The following MGAT5B variants were observed in gnomAD, a reference collection of about 807,000 sequenced individuals.
MGAT5B encodes N-acetylglucosaminyl-transferase Vb.
Under a neutral mutation model 95.1 loss-of-function variants are expected in MGAT5B, and 54 were observed. The ratio of observed to expected loss-of-function variants is 0.57; its 90% CI spans 0.46 to 0.71. The LOEUF (loss-of-function observed/expected upper bound fraction) is 0.71. Ranked by LOEUF, MGAT5B falls within the 30% of genes least tolerant of loss-of-function variation. MGAT5B has a pLI of 0.00. For synonymous variants in MGAT5B, 464 were observed against 451.0 expected (o/e 1.03, Z -0.36); for missense variants, 935 against 1,088.6 (o/e 0.86, Z 1.99).
chr17:76,886,566 G>A (rs1357129880), intron 3 of MGAT5B, among the ~76,000 whole-genome samples: 1 of 152,240 alleles, frequency 6.6e-6, no homozygotes, highest in Non-Finnish European at 1.5e-5. Context: ...TAGCCTTGAA[G>A]GAGAGACATT....
chr17:76,946,429 C>T lies in MGAT5B; in HGVS notation c.1902C>T (p.Ile634=). 2 of 1,601,404 alleles carry T rather than the reference C, an allele frequency of 1.2e-6. No individual in the cohort carries two copies. Among genetic ancestry groups the T allele is most frequent in the Non-Finnish European group, 1.7e-6 (2 of 1,173,386 alleles). ...CCTGCGAGGGGATGCTGGAGCGGAT[C>T]CACGCCTACATCCAGCACCAGGTCA... ...EYTCEGMLER[I]HAYIQHQDFC... is the part of the protein sequence containing the mutation. The change falls in exon 16 of 18, where the codon ATC becomes ATT. Residue 634 remains isoleucine (I), a synonymous_variant. Coordinates refer to ENST00000569840, the MANE Select transcript of MGAT5B (RefSeq NM_001199172.2).
intron 1 of MGAT5B, chr17:76,872,547 T>C (rs756551901): frequency 2.1e-6 from 2 of 939,678 alleles, no homozygotes; most frequent in Non-Finnish European, 3.1e-6. Context: ...CTTTCAGGAC[T>C]GCAGCTGTTA....
At chr17:76,900,906 TGTGTGC>T (rs1231200172) in intron 3 of MGAT5B, among the ~76,000 whole-genome samples, 1 of 113,796 alleles carries the variant, frequency 8.8e-6, no homozygotes, top group Non-Finnish European at 1.7e-5. Context: ...TGCATGTGTG[TGTGTGC>T]GTGTGTACAT....
chr17:76,892,408 C>T (rs1389607896), intron 3 of MGAT5B, among the ~76,000 whole-genome samples: 1 of 152,222 alleles, frequency 6.6e-6, no homozygotes, highest in Non-Finnish European at 1.5e-5. Context: ...CTCTGCCCCG[C>T]AATGAAGCCC....
chr17:76,901,807 G>C (rs1413381677), intron 3 of MGAT5B, among the ~76,000 whole-genome samples: 1 of 152,246 alleles, frequency 6.6e-6, no homozygotes, highest in East Asian at 1.9e-4. Flanking sequence ...AGGCCCGGCT[G>C]TGCCTAGGAA....
At chr17:76,926,765 G>C in intron 10 of MGAT5B, 35 bp downstream of exon 10, 1 of 1,607,286 alleles carries the variant, frequency 6.2e-7, no homozygotes, top group Non-Finnish European at 8.5e-7. Context: ...GGGGTCGGAG[G>C]TCCTCCTCAT....
Position 76,872,919 on chromosome 17 carries a change from C to T in MGAT5B, c.137C>T (p.Ser46Leu), listed in dbSNP as rs767794981. 20 of 1,614,028 alleles carry T rather than the reference C, an allele frequency of 1.2e-5. No individual in the cohort carries two copies. Among genetic ancestry groups the T allele is most frequent in the East Asian group, 2.2e-5 (1 of 44,898 alleles). ...FLMTSLGGQF[S>L]ARRLGDSPFT... ...ATGACGTCTCTGGGAGGCCAGTTCT[C>T]GGCCCGGCGCCTGGGGGACTCGCCA... Residue 46 changes from serine (S) to leucine (L), a missense_variant, in exon 2 of 18, where the codon TCG becomes TTG. Physicochemically the swap from Ser to Leu is moderately radical, Grantham distance 145. This residue lies in a region of MGAT5B where 243 missense variants were observed against 228.2 expected (regional missense o/e 1.06). Coordinates refer to ENST00000569840, the MANE Select transcript of MGAT5B (RefSeq NM_001199172.2).
At chr17:76,874,505 G>A (rs561533547) in intron 2 of MGAT5B, among the ~76,000 whole-genome samples, 1 of 152,120 alleles carries the variant, frequency 6.6e-6, no homozygotes, top group East Asian at 1.9e-4. Context: ...TGTAGACAGA[G>A]ATTCATAAAC....
intron 4 of MGAT5B, 65 bp downstream of exon 4, chr17:76,902,735 G>GC: frequency 1.2e-6 from 1 of 821,408 alleles, no homozygotes; most frequent in Non-Finnish European, 1.9e-6. Context: ...TGCTGGGTGG[G>GC]CCCTGGGAGG....
At chr17:76,937,008 T>C (rs993426051) in intron 12 of MGAT5B, among the ~76,000 whole-genome samples, 1 of 152,098 alleles carries the variant, frequency 6.6e-6, no homozygotes, top group African/African-American at 2.4e-5. Context: ...TTCAATGTTT[T>C]TTTTTTTTTT....
At chr17:76,893,320 T>A (rs1870787075) in intron 3 of MGAT5B, among the ~76,000 whole-genome samples, 1 of 152,088 alleles carries the variant, frequency 6.6e-6, no homozygotes, top group Non-Finnish European at 1.5e-5. Context: ...TAAATACGTG[T>A]GTATGCACGT....
chr17:76,940,385 G>A lies in MGAT5B; in HGVS notation c.1585-17G>A, dbSNP rs115863260. The A allele has an allele frequency of 2.5e-3, 3,909 of 1,580,644 alleles. 79 individuals carry two copies. The African/African-American group carries it at 0.042, about 17-fold the overall frequency. On this transcript the variant is annotated splice_polypyrimidine_tract_variant and intron_variant, in intron 13 of 17. Transcript: ENST00000569840. This position sits in a 1 kb window ranked among gnomAD's most constrained non-coding sequence, Gnocchi z 4.3. ...CGGCCCAGCCCTCCCTGATCACTGC[G>A]CCCCTTGACTCTGCAGCTCTTCATC...
intron 15 of MGAT5B, among the ~76,000 whole-genome samples, chr17:76,943,338 C>G (rs1969924882): frequency 6.6e-6 from 1 of 152,112 alleles, no homozygotes; most frequent in African/African-American, 2.4e-5. Context: ...AACGGAGGCC[C>G]CTCTGCCTTC....
chr17:76,894,297 G>A (rs1009457705), intron 3 of MGAT5B, among the ~76,000 whole-genome samples: 7 of 152,234 alleles, frequency 4.6e-5, no homozygotes, highest in African/African-American at 1.7e-4. Context: ...ATAACTGTGT[G>A]ATCCTGAGCA....
intron 1 of MGAT5B, among the ~76,000 whole-genome samples, chr17:76,871,554 T>C (rs544867700): frequency 6.6e-6 from 1 of 152,368 alleles, no homozygotes; most frequent in Admixed American, 6.5e-5. Flanking sequence ...TCTGCAATTA[T>C]ATGTTTTCTT....
intron 13 of MGAT5B, among the ~76,000 whole-genome samples, chr17:76,939,029 G>GGGGGGGGGT (rs1237086611): frequency 5.5e-5 from 7 of 128,256 alleles, no homozygotes; most frequent in Middle Eastern, 4.0e-3. Context: ...GCATCTTGGG[G>GGGGGGGGGT]GTGTGTGTGT....
rs540184764 is a variant in MGAT5B, at chr17:76,934,349, G to T, written c.1428+1052G>T. On this transcript the variant is annotated intron_variant, in intron 12 of 17. Coordinates refer to ENST00000569840, the MANE Select transcript of MGAT5B (RefSeq NM_001199172.2). The stretch of plus-strand genomic sequence containing the variant: ...CATAGCTAGTAAGCGCCGAGCTGAT[G>T]TTCCAGCCTACATCAATCTAAGTCC... Among the ~76,000 whole-genome samples, 41 of 152,354 alleles carry T rather than the reference G, an allele frequency of 2.7e-4. 1 individual carries two copies. Among genetic ancestry groups the T allele is most frequent in the African/African-American group, 9.6e-4 (40 of 41,584 alleles).
chr17:76,947,919 G>A lies in MGAT5B; in HGVS notation c.2013G>A (p.Glu671=). The A allele has an allele frequency of 1.2e-6, 2 of 1,613,234 alleles. No individual in the cohort carries two copies. The highest frequency in any genetic ancestry group is 1.7e-6 in the Non-Finnish European group (2 of 1,179,486). ...TGGCCCCCAATGCCACCCACCTCGA[G>A]TGGGCTCGGAACACCAGCTTGGCTC... ...FVLAPNATHL[E]WARNTSLAPG... is the part of the protein sequence containing the mutation. The change falls in exon 17 of 18, where the codon GAG becomes GAA. Residue 671 remains glutamate (E), a synonymous_variant. Coordinates refer to ENST00000569840, the MANE Select transcript of MGAT5B (RefSeq NM_001199172.2).
At chr17:76,897,474 G>A (rs1340243584) in intron 3 of MGAT5B, among the ~76,000 whole-genome samples, 1 of 152,092 alleles carries the variant, frequency 6.6e-6, no homozygotes, top group Non-Finnish European at 1.5e-5. Flanking sequence ...GCAGTGCCTG[G>A]CCTTCTTCGT....
Sources: gnomAD v4.1 joint callset for allele counts (sites outside exome capture counted in the v4.1 genomes callset) on GRCh38, gnomAD v4.1.1 for gene constraint, gnomAD v4.1.1 regional missense constraint, Gnocchi (gnomAD v3.1) non-coding constraint, MANE v1.5 for transcripts, NCBI Gene and HGNC (gene_info 2026-07-23, HGNC 2026-07-21) for gene names.